SMC5: variants seen among roughly 807,000 people sequenced by gnomAD.
SMC5 encodes the protein structural maintenance of chromosomes 5, also known as structural maintenance of chromosomes protein 5.
In SMC5, 88 loss-of-function variants were observed where a neutral mutation model predicts 148.3. That is an observed-to-expected ratio of 0.59 (90% CI 0.50 to 0.71). The LOEUF (loss-of-function observed/expected upper bound fraction) is 0.71, where lower values mean the gene tolerates loss of function less well. Among genes scored for constraint, SMC5 ranks in the 30% least tolerant of loss-of-function variants. The pLI is 0.00. For synonymous variants in SMC5, 421 were observed against 432.8 expected, an observed-to-expected ratio of 0.97 and a Z score of 0.34; for missense variants, 1,142 against 1,298.9, an observed-to-expected ratio of 0.88 and a Z score of 1.86.
chr9:70,330,828 C>T (rs1162324597), intron 17 of SMC5, among the ~76,000 whole-genome samples: 2 of 151,970 alleles, frequency 1.3e-5, no homozygotes, highest in African/African-American at 2.4e-5. Flanking sequence ...TAGGTGTGAG[C>T]CACCACACCC....
chr9:70,282,335 A>G, intron 6 of SMC5, 87 bp from the exon 7 acceptor site: 5 of 1,345,466 alleles, frequency 3.7e-6, no homozygotes, highest in Non-Finnish European at 5.0e-6. Flanking sequence ...CTTTTCTTAC[A>G]TTTGGTTTCT....
chr9:70,283,926 GTT>G (rs1376572723), intron 7 of SMC5, among the ~76,000 whole-genome samples: 1 of 152,116 alleles, frequency 6.6e-6, no homozygotes, highest in East Asian at 1.9e-4. Context: ...ACTAATGTAA[GTT>G]TCATCTTTTG....
intron 17 of SMC5, among the ~76,000 whole-genome samples, chr9:70,343,099 C>G (rs966038679): frequency 6.6e-6 from 1 of 151,252 alleles, no homozygotes. Flanking sequence ...ATGACAGTCT[C>G]TAACTAAATG....
chr9:70,288,819 C>CT (rs2034977410), intron 8 of SMC5, among the ~76,000 whole-genome samples: 1 of 151,890 alleles, frequency 6.6e-6, no homozygotes, highest in South Asian at 2.1e-4. Flanking sequence ...GGCCTTTTGA[C>CT]TTTTTTAAAG....
intron 1 of SMC5, 91 bp from the exon 2 acceptor site, chr9:70,264,213 T>C (rs1031296703): frequency 8.6e-7 from 1 of 1,165,102 alleles, no homozygotes; most frequent in Non-Finnish European, 1.2e-6. Context: ...AGCTAGTTTT[T>C]AAAGGAATTT....
chr9:70,323,442 T>A, intron 15 of SMC5, 41 bp from the exon 16 acceptor site: 13 of 1,527,032 alleles, frequency 8.5e-6, no homozygotes, highest in Non-Finnish European at 1.1e-5. Context: ...TCAATTCTTA[T>A]GTTTAACACT....
rs58118106 is a variant in SMC5, at chr9:70,344,407, A to AAT, written c.2523+154_2523+155dup. On this transcript the variant is annotated intron_variant, in intron 18 of 24. Coordinates refer to ENST00000361138, the MANE Select transcript of SMC5 (RefSeq NM_015110.4). ...GGAGTTTTTCCACATTTTTAAACTG[A>AAT]ATATATATATATATATAAAATAATG... The AAT allele has an allele frequency of 3.9e-3, 1,125 of 292,120 alleles. 2 individuals carry two copies. The highest frequency in any genetic ancestry group is 6.0e-3 in the Middle Eastern group (5 of 828). 18.1% of individuals were successfully genotyped at this position (292,120 alleles called of 1,614,324 possible).
intron 1 of SMC5, among the ~76,000 whole-genome samples, chr9:70,260,270 AT>A (rs202241946): frequency 4.6e-5 from 7 of 151,032 alleles, no homozygotes; most frequent in Non-Finnish European, 5.9e-5. Flanking sequence ...ACGCCCAGCT[AT>A]TTTTTTTTGT....
chr9:70,286,956 A>G (rs1242102724), intron 8 of SMC5, among the ~76,000 whole-genome samples: 5 of 152,280 alleles, frequency 3.3e-5, no homozygotes, highest in East Asian at 3.9e-4. Flanking sequence ...AGCTCAAGCT[A>G]TCCACCTGCC....
In SMC5 at chr9:70,310,267, A is replaced by G. The variant is rs1019576914; in HGVS notation, c.1579-4475A>G. 4.6e-5 allele frequency among the ~76,000 whole-genome samples: 7 copies of G among 152,252 alleles called. No individual in the cohort carries two copies. In the East Asian group the frequency reaches 1.2e-3, roughly 25 times the overall value. On this transcript the variant is annotated intron_variant, in intron 11 of 24. Coordinates refer to ENST00000361138, the MANE Select transcript of SMC5 (RefSeq NM_015110.4). ...GTTTCTTGATAAGACTTGAAAGTCA[A>G]AATTACTCCTTGATCCATGGGCTGC...
At chr9:70,328,685 G>T (rs973913540) in intron 17 of SMC5, among the ~76,000 whole-genome samples, 1 of 152,206 alleles carries the variant, frequency 6.6e-6, no homozygotes, top group African/African-American at 2.4e-5. Context: ...CCATTCTGGG[G>T]TCTGGAGGAC....
rs752949536 is a variant in SMC5, at chr9:70,347,921, AAAAG to A, written c.2777_2780del (p.Glu926GlyfsTer6). 6.3e-7 allele frequency: 1 copy of A among 1,578,480 alleles called. No homozygotes were observed. Among genetic ancestry groups the A allele is most frequent in the Non-Finnish European group, 8.6e-7 (1 of 1,164,336 alleles). On this transcript the variant is annotated frameshift_variant, in exon 22 of 25. Coordinates refer to ENST00000361138, the MANE Select transcript of SMC5 (RefSeq NM_015110.4). LOFTEE classifies it high-confidence loss of function. ...TTTTATATTGCCTTTATTTGTAGGT[AAAAG>A]AAAGGTGGCTTAATCCTTTAAAAGA...
intron 20 of SMC5, 40 bp downstream of exon 20, chr9:70,347,201 C>G: frequency 2.0e-6 from 3 of 1,521,584 alleles, no homozygotes; most frequent in Non-Finnish European, 2.7e-6. Context: ...ATCCAACCAC[C>G]ACCACCACCC....
Position 70,350,376 on chromosome 9 carries a change from G to A in SMC5, c.3070G>A (p.Gly1024Arg). Reference sequence around the variant, plus strand: ...AATCATTATTGTTGCCATTGTTTAGGGAATGGACCCAATCAATGAACGGAG... The same window carrying A: ...AATCATTATTGTTGCCATTGTTTAGAGAATGGACCCAATCAATGAACGGAG... ...PFRVVDEINQ[G>R]MDPINERRVF... Residue 1024 changes from glycine (G) to arginine (R), a missense_variant and splice_region_variant, in exon 24 of 25, where the codon GGA (glycine) becomes AGA (arginine). Physicochemically the swap from Gly to Arg is moderately radical, Grantham distance 125. Transcript: ENST00000361138. 4 of 1,609,490 alleles carry A rather than the reference G, an allele frequency of 2.5e-6. No homozygotes were observed. Among genetic ancestry groups the A allele is most frequent in the Non-Finnish European group, 3.4e-6 (4 of 1,178,452 alleles).
At chr9:70,291,935 G>A (rs536712997) in intron 8 of SMC5, among the ~76,000 whole-genome samples, 1 of 152,180 alleles carries the variant, frequency 6.6e-6, no homozygotes, top group South Asian at 2.1e-4. Flanking sequence ...ATGATTGTGG[G>A]CTGTTGCTTT....
chr9:70,334,388 T>G lies in SMC5; in HGVS notation c.2398-9756T>G, dbSNP rs144284862. Among the ~76,000 whole-genome samples, 596 of 152,244 alleles carry G rather than the reference T, an allele frequency of 3.9e-3. 3 individuals are homozygous for G. The highest frequency in any genetic ancestry group is 0.013 in the African/African-American group (552 of 41,542). On this transcript the variant is annotated intron_variant, in intron 17 of 24. Transcript: ENST00000361138. Reference sequence around the variant, plus strand: ...TAGATAAAATAGAAAAAACACAAATTATAAGAGAAAAAGAATCATTGCATT... The same window carrying G: ...TAGATAAAATAGAAAAAACACAAATGATAAGAGAAAAAGAATCATTGCATT...
intron 17 of SMC5, among the ~76,000 whole-genome samples, chr9:70,336,061 A>G (rs2036347931): frequency 6.6e-6 from 1 of 152,068 alleles, no homozygotes; most frequent in Admixed American, 6.6e-5. Context: ...CTATTATTCT[A>G]CTTCACCAGA....
chr9:70,318,984 G>T (rs371621661), intron 15 of SMC5, 21 bp downstream of exon 15: 43 of 1,583,814 alleles, frequency 2.7e-5, no homozygotes, highest in African/African-American at 4.1e-5. Flanking sequence ...GCCTATTCAG[G>T]GGGGAGAGCA....
chr9:70,267,500 C>T (rs540016079), intron 2 of SMC5, among the ~76,000 whole-genome samples: 3 of 152,236 alleles, frequency 2.0e-5, no homozygotes, highest in Admixed American at 6.5e-5. Context: ...AGGAAGTCTT[C>T]AATGGTAATA....
Sources: allele counts gnomAD v4.1 joint callset (sites outside exome capture counted in the v4.1 genomes callset), GRCh38; gene constraint gnomAD v4.1.1; transcripts MANE v1.5; gene names NCBI Gene and HGNC (gene_info 2026-07-23, HGNC 2026-07-21).